Variants in KIAA0825 observed in about 807,000 individuals in gnomAD.
KIAA0825 encodes the protein uncharacterized protein KIAA0825.
A neutral mutation model predicts 147.6 loss-of-function variants in KIAA0825; 119 were observed. The ratio of observed to expected loss-of-function variants is 0.81; its 90% CI spans 0.69 to 0.94. The LOEUF (loss-of-function observed/expected upper bound fraction) is 0.94. Among genes scored for constraint, KIAA0825 ranks in the 40% least tolerant of loss-of-function variants. The pLI is 0.00. For missense variants in KIAA0825, 1,381 were observed against 1,472.7 expected, an observed-to-expected ratio of 0.94 and a Z score of 1.02; for synonymous variants, 470 against 518.1, an observed-to-expected ratio of 0.91 and a Z score of 1.26.
intron 15 of KIAA0825, chr5:94,414,120 C>T (rs1753115158): frequency 6.6e-6 from 1 of 152,082 alleles, no homozygotes; most frequent in South Asian, 2.1e-4. Flanking sequence ...AATCTCAACC[C>T]TTAATTTTGC....
intron 20 of KIAA0825, among the ~76,000 whole-genome samples, chr5:94,339,299 A>G (rs1167252399): frequency 6.6e-6 from 1 of 152,120 alleles, no homozygotes; most frequent in Non-Finnish European, 1.5e-5. Context: ...ATTCCTATGA[A>G]TATTTTCTTC....
At chr5:94,534,101 C>A (rs1584805903) in intron 3 of KIAA0825, among the ~76,000 whole-genome samples, 1 of 151,922 alleles carries the variant, frequency 6.6e-6, no homozygotes, top group African/African-American at 2.4e-5. Context: ...TTGTTTTTTT[C>A]TTTTAAAACT....
At chr5:94,271,578 T>C (rs1776990679) in intron 20 of KIAA0825, among the ~76,000 whole-genome samples, 1 of 152,046 alleles carries the variant, frequency 6.6e-6, no homozygotes, top group South Asian at 2.1e-4. Flanking sequence ...TGAAACCCTG[T>C]CTCTACTAAA....
At chr5:94,372,136 G>C (rs755064353) in intron 20 of KIAA0825, among the ~76,000 whole-genome samples, 7 of 152,242 alleles carry the variant, frequency 4.6e-5, no homozygotes, top group Non-Finnish European at 8.8e-5. Context: ...GCCTTGGGCA[G>C]CTCTGCTTCT....
chr5:94,507,577 TAAAG>T (rs1225292721), intron 5 of KIAA0825, among the ~76,000 whole-genome samples: 8 of 145,122 alleles, frequency 5.5e-5, no homozygotes, highest in South Asian at 2.2e-4. Context: ...ACATATAAAA[TAAAG>T]AAAGACAAAA....
intron 6 of KIAA0825, 121 bp from the exon 7 acceptor site, chr5:94,477,326 A>G (rs1193550454): frequency 7.1e-6 from 4 of 561,508 alleles, no homozygotes; most frequent in Admixed American, 2.9e-5. Flanking sequence ...CAGTACATAC[A>G]TACATATACA....
intron 5 of KIAA0825, among the ~76,000 whole-genome samples, chr5:94,498,352 A>C (rs968983730): frequency 1.3e-5 from 2 of 152,188 alleles, no homozygotes; most frequent in African/African-American, 4.8e-5. Context: ...GGTACCAGGA[A>C]GCTGTTAGGA....
At chr5:94,494,922 C>T (rs1562557245) in intron 5 of KIAA0825, among the ~76,000 whole-genome samples, 1 of 152,118 alleles carries the variant, frequency 6.6e-6, no homozygotes, top group Non-Finnish European at 1.5e-5. Flanking sequence ...ATTTAGCACT[C>T]AAATAAAATT....
chr5:94,252,750 C>G (rs1432743250), intron 20 of KIAA0825, among the ~76,000 whole-genome samples: 1 of 151,938 alleles, frequency 6.6e-6, no homozygotes, highest in African/African-American at 2.4e-5. Context: ...AAATTACCTG[C>G]AACTATTCTA....
chr5:94,257,228 T>C (rs182610338), intron 20 of KIAA0825, among the ~76,000 whole-genome samples: 235 of 152,300 alleles, frequency 1.5e-3, no homozygotes, highest in Non-Finnish European at 2.6e-3. Flanking sequence ...TTTGCTAGAC[T>C]AGAACTCTTG....
chr5:94,587,013 C>T (rs1783434465), intron 1 of KIAA0825, among the ~76,000 whole-genome samples: 1 of 152,146 alleles, frequency 6.6e-6, no homozygotes, highest in Admixed American at 6.5e-5. Context: ...TAAAAATTCT[C>T]AATAAACTAG....
chr5:94,523,807 A>C (rs998455695), intron 4 of KIAA0825, 123 bp downstream of exon 4: 9 of 542,556 alleles, frequency 1.7e-5, no homozygotes, highest in Non-Finnish European at 2.7e-5. Context: ...ACATAAAAAC[A>C]CAAACCCCTA....
In KIAA0825 at chr5:94,514,511, G is replaced by A. The variant is rs142259240; in HGVS notation, c.970+5737C>T. Reference sequence around the variant, plus strand: ...AGAATTACTCTTCAAATTATTGAAGGATTCTTGATCTTACAAATGATTTCA... The same window carrying A: ...AGAATTACTCTTCAAATTATTGAAGAATTCTTGATCTTACAAATGATTTCA... On this transcript the variant is annotated intron_variant, in intron 5 of 20. Transcript: ENST00000682413. Among the ~76,000 whole-genome samples, 122 of 152,242 alleles carry A rather than the reference G, an allele frequency of 8.0e-4. 2 individuals carry two copies. The East Asian group carries it at 0.022, about 28-fold the overall frequency.
At chr5:94,175,364 G>A (rs1009520944) in intron 20 of KIAA0825, among the ~76,000 whole-genome samples, 5 of 152,208 alleles carry the variant, frequency 3.3e-5, no homozygotes, top group South Asian at 2.1e-4. Context: ...GTGTGATTAC[G>A]TCTAATAATG....
chr5:94,430,690 G>C (rs1755547937), intron 14 of KIAA0825, among the ~76,000 whole-genome samples: 1 of 152,096 alleles, frequency 6.6e-6, no homozygotes. Flanking sequence ...ACATACTAAT[G>C]CTAGAAGCAC....
chr5:94,448,240 T>C (rs544486022), intron 13 of KIAA0825, among the ~76,000 whole-genome samples: 16 of 151,468 alleles, frequency 1.1e-4, no homozygotes, highest in African/African-American at 3.9e-4. Flanking sequence ...ATGAATAGAG[T>C]ACATTTTACT....
chr5:94,272,507 T>G (rs1777038922), intron 20 of KIAA0825, among the ~76,000 whole-genome samples: 1 of 151,952 alleles, frequency 6.6e-6, no homozygotes, highest in African/African-American at 2.4e-5. Context: ...AAATAAAAAG[T>G]TTAAGTAAAA....
At chr5:94,250,332 C>A (rs1040123747) in intron 20 of KIAA0825, among the ~76,000 whole-genome samples, 1 of 151,994 alleles carries the variant, frequency 6.6e-6, no homozygotes, top group Non-Finnish European at 1.5e-5. Context: ...AAAATAATTT[C>A]TAAGAAAATA....
chr5:94,261,469 A>C (rs1583981002), intron 20 of KIAA0825, among the ~76,000 whole-genome samples: 1 of 152,170 alleles, frequency 6.6e-6, no homozygotes, highest in Non-Finnish European at 1.5e-5. Context: ...TCTGTGAAAA[A>C]GAATGAAAAC....
Sources: gnomAD v4.1 joint callset for allele counts (sites outside exome capture counted in the v4.1 genomes callset) on GRCh38, gnomAD v4.1.1 for gene constraint, MANE v1.5 for transcripts, NCBI Gene and HGNC (gene_info 2026-07-23, HGNC 2026-07-21) for gene names.